The following OCSTAMP variants were observed in gnomAD, a reference collection of about 807,000 sequenced individuals.
OCSTAMP encodes the protein osteoclast stimulatory transmembrane protein, also known as transmembrane protein C20orf123.
In OCSTAMP, 17 loss-of-function variants were observed where a neutral mutation model predicts 25.2. The observed-to-expected ratio is 0.68, with a 90% confidence interval of 0.46 to 1.01. The LOEUF (loss-of-function observed/expected upper bound fraction) is 1.01, where lower values mean the gene tolerates loss of function less well. Ranked by LOEUF, OCSTAMP falls within the 50% of genes least tolerant of loss-of-function variation. OCSTAMP has a pLI of 0.00. For missense variants in OCSTAMP, 664 were observed against 694.6 expected (o/e 0.96, Z 0.50); for synonymous variants, 345 against 318.9 (o/e 1.08, Z -0.87).
In OCSTAMP at chr20:46,542,528, T is replaced by G. The variant is rs1281237507; in HGVS notation, c.1048-601A>C. Among the ~76,000 whole-genome samples, 8 of 134,660 alleles carry G rather than the reference T, an allele frequency of 5.9e-5. No individual in the cohort carries two copies. In the East Asian group the frequency reaches 1.7e-3, roughly 29 times the overall value. The allele number at this position is 134,660 out of a possible 152,430, so 88.3% of individuals were successfully genotyped here. ...CCCGAGAGGGGAGGGTGCAGTGAGA[T>G]TACACCACTGCACTCCAGACTGGGC... On this transcript the variant is annotated intron_variant, in intron 2 of 2. Coordinates refer to ENST00000279028, the MANE Select transcript of OCSTAMP (RefSeq NM_080721.3).
intron 1 of OCSTAMP, among the ~76,000 whole-genome samples, chr20:46,549,471 G>A (rs907664464): frequency 1.3e-5 from 2 of 152,196 alleles, no homozygotes; most frequent in Non-Finnish European, 2.9e-5. Flanking sequence ...AAAGAATTCT[G>A]AGCATAGTAT....
chr20:46,544,910 C>A (rs1279102728), intron 2 of OCSTAMP, among the ~76,000 whole-genome samples: 1 of 152,210 alleles, frequency 6.6e-6, no homozygotes, highest in African/African-American at 2.4e-5. Flanking sequence ...ATAATAGCCA[C>A]TCTTTATTAA....
At chr20:46,546,444 GTA>G in intron 1 of OCSTAMP, 115 bp from the exon 2 acceptor site, 3 of 893,200 alleles carry the variant, frequency 3.4e-6, no homozygotes, top group Non-Finnish European at 3.4e-6. Context: ...CTCCACCCTT[GTA>G]GTTACCCAGG....
intron 1 of OCSTAMP, among the ~76,000 whole-genome samples, chr20:46,548,251 C>T (rs748571269): frequency 2.6e-5 from 4 of 152,154 alleles, no homozygotes; most frequent in Non-Finnish European, 5.9e-5. Flanking sequence ...TAAAAGTATG[C>T]ACCTCCTGGG....
Position 46,541,766 on chromosome 20 carries a change from C to T in OCSTAMP, c.1209G>A (p.Leu403=). The T allele has an allele frequency of 6.5e-7, 1 of 1,529,346 alleles. No individual in the cohort carries two copies. Among genetic ancestry groups the T allele is most frequent in the Non-Finnish European group, 8.8e-7 (1 of 1,138,510 alleles). The allele number at this position is 1,529,346 out of a possible 1,614,324, so 94.7% of individuals were successfully genotyped here. ...CCAGGAGCTGCAGGGCCCCCGCGGC[C>T]AGCGGGGCAGCTGCGCGGGGACGCC... is the stretch of plus-strand genomic sequence containing the variant. The part of the protein sequence containing the change: ...PARRPRAAAP[L]AAGALQLLAG... The change falls in exon 3 of 3, where the codon CTG becomes CTA. Residue 403 remains leucine, a synonymous_variant. Coordinates refer to ENST00000279028, the MANE Select transcript of OCSTAMP (RefSeq NM_080721.3).
intron 1 of OCSTAMP, among the ~76,000 whole-genome samples, chr20:46,550,183 C>A (rs986406639): frequency 6.6e-6 from 1 of 152,168 alleles, no homozygotes; most frequent in East Asian, 1.9e-4. Context: ...GGATTGAAAG[C>A]CAGTCCTAAG....
At chr20:46,548,510 A>T (rs1200544797) in intron 1 of OCSTAMP, among the ~76,000 whole-genome samples, 1 of 152,188 alleles carries the variant, frequency 6.6e-6, no homozygotes, top group African/African-American at 2.4e-5. Context: ...GAGGTGATGG[A>T]TGCTTGAAGA....
chr20:46,546,351 G>C lies in OCSTAMP; in HGVS notation c.45-22C>G, dbSNP rs7274096. 6.5e-3 allele frequency: 10,018 copies of C among 1,539,504 alleles called. 539 individuals are homozygous for C. In the African/African-American group the frequency reaches 0.12, roughly 19 times the overall value. On this transcript the variant is annotated intron_variant, in intron 1 of 2. Transcript: ENST00000279028. ...CCACCTGCACACAAGGAAATTGAAG[G>C]GCATCTCTATCAGGAGGTGGGTGGG... is the stretch of plus-strand genomic sequence containing the variant.
Position 46,545,648 on chromosome 20 carries a change from T to C in OCSTAMP, c.726A>G (p.Ala242=). 4 of 1,551,694 alleles carry C rather than the reference T, an allele frequency of 2.6e-6. No individual in the cohort carries two copies. Among genetic ancestry groups the C allele is most frequent in the South Asian group, 2.4e-5 (2 of 84,066 alleles). ...LFMLGLLVES[A]WYLHCYLTDL... ...CTGTCAGGTAGCAATGGAGGTACCA[T>C]GCCGACTCCACCAGGAGGCCCAACA... Residue 242 remains alanine (A), a synonymous_variant, in exon 2 of 3, where the codon GCA becomes GCG. Transcript: ENST00000279028.
chr20:46,546,145 GAT>G lies in OCSTAMP; in HGVS notation c.227_228del (p.Tyr76SerfsTer112). The G allele has an allele frequency of 1.9e-6, 3 of 1,551,802 alleles. No individual in the cohort carries two copies. The highest frequency in any genetic ancestry group is 2.6e-6 in the Non-Finnish European group (3 of 1,147,018). The stretch of plus-strand genomic sequence containing the variant: ...GCAACCATGGCTGAAGGTCCAGGAG[GAT>G]AAAGCAGCAAGGATGCCAGCCAGTG... ...VYHWLASLLL[Y>X]PPGPSAMVAT... On this transcript the variant is annotated frameshift_variant, in exon 2 of 3. Transcript: ENST00000279028. LOFTEE classifies it high-confidence loss of function.
chr20:46,548,024 C>A (rs1419844069), intron 1 of OCSTAMP, among the ~76,000 whole-genome samples: 1 of 152,080 alleles, frequency 6.6e-6, no homozygotes, highest in African/African-American at 2.4e-5. Flanking sequence ...GGTGGGAAAG[C>A]AGAGGAAATA....
Position 46,541,538 on chromosome 20 carries a change from C to T in OCSTAMP, c.1437G>A (p.Pro479=). The change falls in exon 3 of 3, where the codon CCG becomes CCA. Residue 479 remains proline (P), a synonymous_variant. Coordinates refer to ENST00000279028, the MANE Select transcript of OCSTAMP (RefSeq NM_080721.3). ...CATCCAGCCTGTAGTCTATCCATGC[C>T]GGAGGCTTGCAGGCAGGTCTGGGTG... ...VPTPRPACKP[P]AWIDYRLDAL... is the part of the protein sequence containing the mutation. The T allele has an allele frequency of 1.3e-6, 2 of 1,551,732 alleles. No individual in the cohort carries two copies. The highest frequency in any genetic ancestry group is 1.7e-6 in the Non-Finnish European group (2 of 1,147,000).
rs150689359 is a variant in OCSTAMP at position 46,550,011 on chromosome 20, A to T, written c.44+506T>A. 3.3e-5 allele frequency among the ~76,000 whole-genome samples: 5 copies of T among 152,312 alleles called. No individual in the cohort carries two copies. The East Asian group carries it at 9.6e-4, about 29-fold the overall frequency. On this transcript the variant is annotated intron_variant, in intron 1 of 2. Coordinates refer to ENST00000279028, the MANE Select transcript of OCSTAMP (RefSeq NM_080721.3). ...GCAGACTGCATCCTGCTGATCAATGAACGGGTCCGTCTGCACACCCAGGTG... is the reference window on the plus strand; with the variant it reads ...GCAGACTGCATCCTGCTGATCAATGTACGGGTCCGTCTGCACACCCAGGTG...
chr20:46,540,964 T>G lies in OCSTAMP; in HGVS notation c.*310A>C. 1 of 292,788 alleles carries G rather than the reference T, an allele frequency of 3.4e-6. No homozygotes were observed. Among genetic ancestry groups the G allele is most frequent in the South Asian group, 7.0e-5 (1 of 14,374 alleles). The allele number at this position is 292,788 out of a possible 1,614,324, so 18.1% of individuals were successfully genotyped here. A position where few individuals can be genotyped will look rare whatever the true frequency, so the allele number is the denominator to read the frequency against. ...TGAACTGAGTGTCCTATATTTTAAT[T>G]TGGCAAAATCTAATCCTGGCAATGG... On this transcript the variant is annotated 3_prime_UTR_variant, in exon 3 of 3. Transcript: ENST00000279028.
intron 1 of OCSTAMP, among the ~76,000 whole-genome samples, chr20:46,548,795 C>T (rs2061861067): frequency 6.6e-6 from 1 of 152,182 alleles, no homozygotes; most frequent in African/African-American, 2.4e-5. Flanking sequence ...TCTAGTTGAT[C>T]CAAGTACCTC....
chr20:46,546,824 G>T (rs1568898556), intron 1 of OCSTAMP, among the ~76,000 whole-genome samples: 1 of 152,166 alleles, frequency 6.6e-6, no homozygotes, highest in Non-Finnish European at 1.5e-5. Flanking sequence ...GGGGTGAGGA[G>T]GGTGAACTAG....
At position 46,545,585 on chromosome 20, in the gene OCSTAMP, C is replaced by T. The variant is rs1167085760; in HGVS notation, c.789G>A (p.Leu263=). 3.9e-6 allele frequency: 6 copies of T among 1,551,578 alleles called. 1 individual carries two copies. The Admixed American group carries it at 1.2e-4, about 30-fold the overall frequency. The change falls in exon 2 of 3, where the codon CTG becomes CTA. Residue 263 remains leucine, a synonymous_variant. Coordinates refer to ENST00000279028, the MANE Select transcript of OCSTAMP (RefSeq NM_080721.3). The stretch of plus-strand genomic sequence containing the variant: ...CCTGGGCCTGTGCCAACCGCTGGGT[C>T]AGCTGTTGAGTGGCGTAGATATTGT... ...RFDNIYATQQ[L]TQRLAQAQAT...
In OCSTAMP at chr20:46,546,025, G is replaced by A. The variant is rs757154615; in HGVS notation, c.349C>T (p.Gln117Ter). The A allele has an allele frequency of 6.4e-7, 1 of 1,551,470 alleles. No individual in the cohort carries two copies. Among genetic ancestry groups the A allele is most frequent in the South Asian group, 1.2e-5 (1 of 84,046 alleles). ...ALSVPTLGMEQGRRLLLSYST... is the reference protein window; with the variant it reads ...ALSVPTLGME ...TAGGACAGGAGCAGCCGGCGGCCCT[G>A]CTCCATACCCAGGGTGGGCACGCTG... Residue 117 changes from glutamine (Q) to a stop codon, truncating the protein, a stop_gained, in exon 2 of 3, where the codon CAG (glutamine) becomes TAG (stop). Coordinates refer to ENST00000279028, the MANE Select transcript of OCSTAMP (RefSeq NM_080721.3). LOFTEE classifies it high-confidence loss of function.
At position 46,546,145 on chromosome 20, in the gene OCSTAMP, G is replaced by T; in HGVS notation, c.229C>A (p.Pro77Thr). The change falls in exon 2 of 3, where the codon CCT becomes ACT. Residue 77 changes from proline to threonine, a missense_variant. Physicochemically the swap from Pro to Thr is conservative, Grantham distance 38. Transcript: ENST00000279028. ...YHWLASLLLY[P>T]PGPSAMVATV... is the part of the protein sequence containing the mutation. Reference sequence around the variant, plus strand: ...GCAACCATGGCTGAAGGTCCAGGAGGATAAAGCAGCAAGGATGCCAGCCAG... The same window carrying T: ...GCAACCATGGCTGAAGGTCCAGGAGTATAAAGCAGCAAGGATGCCAGCCAG... 4.5e-6 allele frequency: 7 copies of T among 1,551,802 alleles called. No homozygotes were observed. Among genetic ancestry groups the T allele is most frequent in the Non-Finnish European group, 6.1e-6 (7 of 1,147,018 alleles).
Sources: allele counts gnomAD v4.1 joint callset (sites outside exome capture counted in the v4.1 genomes callset), GRCh38; gene constraint gnomAD v4.1.1; transcripts MANE v1.5; gene names NCBI Gene and HGNC (gene_info 2026-07-23, HGNC 2026-07-21).